Variants in ABCA13 observed in about 807,000 individuals in gnomAD.
The protein encoded by ABCA13 is ATP-binding cassette sub-family A member 13.
Under a neutral mutation model 478.7 loss-of-function variants are expected in ABCA13, and 476 were observed. That is an observed-to-expected ratio of 0.99 (90% CI 0.92 to 1.07). The LOEUF is 1.07. Ranked by LOEUF, ABCA13 falls within the 50% of genes least tolerant of loss-of-function variation. ABCA13 has a pLI of 0.00. For synonymous variants in ABCA13, 2,252 were observed against 2,158.9 expected, an observed-to-expected ratio of 1.04 and a Z score of -1.20; for missense variants, 6,060 against 5,910.6, an observed-to-expected ratio of 1.03 and a Z score of -0.83.
chr7:48,552,864 ATTAAG>A (rs1369769274), intron 55 of ABCA13, among the ~76,000 whole-genome samples: 32 of 151,650 alleles, frequency 2.1e-4, no homozygotes, highest in African/African-American at 4.8e-5. Flanking sequence ...AAAATGTATA[ATTAAG>A]TTATTATTGA....
intron 23 of ABCA13, among the ~76,000 whole-genome samples, chr7:48,305,366 T>C (rs974373973): frequency 6.6e-6 from 1 of 152,210 alleles, no homozygotes; most frequent in Non-Finnish European, 1.5e-5. Context: ...TGTACTTGCC[T>C]CTTTATCCTG....
At chr7:48,550,536 G>A (rs1294926649) in intron 55 of ABCA13, among the ~76,000 whole-genome samples, 2 of 151,766 alleles carry the variant, frequency 1.3e-5, no homozygotes, top group Non-Finnish European at 2.9e-5. Flanking sequence ...TGGGATTACA[G>A]GCGTGAGCCA....
At chr7:48,309,338 T>C (rs537309575) in intron 23 of ABCA13, among the ~76,000 whole-genome samples, 42 of 152,240 alleles carry the variant, frequency 2.8e-4, no homozygotes, top group Admixed American at 2.7e-3. Flanking sequence ...TGTCCTTAAC[T>C]GAAAAGCATA....
chr7:48,390,236 T>C (rs1400569245), intron 37 of ABCA13, among the ~76,000 whole-genome samples: 1 of 152,216 alleles, frequency 6.6e-6, no homozygotes, highest in Non-Finnish European at 1.5e-5. Flanking sequence ...TTCTAGATGA[T>C]TTAAAGTTCA....
rs1471439432 is a variant in ABCA13 at position 48,615,331 on chromosome 7, A to C, written c.14791A>C (p.Asn4931His). 2.5e-6 allele frequency: 4 copies of C among 1,582,222 alleles called. No individual in the cohort carries two copies. The Admixed American group carries it at 7.2e-5, about 28-fold the overall frequency. Reference sequence around the variant, plus strand: ...TTGCACAAGACTGGCCATAATGGTTAACGGCAGCTTCAAATGTCTTGGTTC... The same window carrying C: ...TTGCACAAGACTGGCCATAATGGTTCACGGCAGCTTCAAATGTCTTGGTTC... ...ALCTRLAIMV[N>H]GSFKCLGSPQ... The change falls in exon 59 of 62, where the codon AAC becomes CAC. Residue 4931 changes from asparagine (N) to histidine (H), a missense_variant. Physicochemically the swap from Asn to His is moderately conservative, Grantham distance 68. This residue lies in a region of ABCA13 where 1,627 missense variants were observed against 1,571.0 expected (regional missense o/e 1.04). Transcript: ENST00000435803.
chr7:48,515,746 T>C (rs778175539), intron 51 of ABCA13, among the ~76,000 whole-genome samples: 3 of 152,146 alleles, frequency 2.0e-5, no homozygotes, highest in Non-Finnish European at 4.4e-5. Context: ...CCCTGTGCAG[T>C]GGATGCTGGA....
intron 50 of ABCA13, among the ~76,000 whole-genome samples, chr7:48,509,351 C>G (rs747352714): frequency 6.6e-6 from 1 of 152,170 alleles, no homozygotes; most frequent in African/African-American, 2.4e-5. Flanking sequence ...CTACTTGTCT[C>G]TCTGCCGTCT....
chr7:48,595,897 G>A (rs1790240309), intron 58 of ABCA13, among the ~76,000 whole-genome samples: 1 of 152,132 alleles, frequency 6.6e-6, no homozygotes, highest in Non-Finnish European at 1.5e-5. Context: ...AGGGACCCAT[G>A]GAAACATGCT....
chr7:48,518,171 T>C (rs1032854195), intron 52 of ABCA13, among the ~76,000 whole-genome samples: 1 of 152,220 alleles, frequency 6.6e-6, no homozygotes, highest in Non-Finnish European at 1.5e-5. Flanking sequence ...GAACCATTGA[T>C]TGGCTTTAGC....
intron 3 of ABCA13, among the ~76,000 whole-genome samples, chr7:48,200,000 C>T (rs564630851): frequency 1.3e-5 from 2 of 152,292 alleles, no homozygotes; most frequent in African/African-American, 4.8e-5. Flanking sequence ...CAATGCATGG[C>T]ACAGAGGCAT....
intron 10 of ABCA13, among the ~76,000 whole-genome samples, chr7:48,243,771 G>A (rs1280932676): frequency 6.6e-6 from 1 of 152,200 alleles, no homozygotes; most frequent in Non-Finnish European, 1.5e-5. Flanking sequence ...AAAGCAGTGG[G>A]ATGGCTCCAG....
chr7:48,589,505 C>T (rs1271183956), intron 57 of ABCA13, among the ~76,000 whole-genome samples: 1 of 152,126 alleles, frequency 6.6e-6, no homozygotes, highest in East Asian at 1.9e-4. Context: ...GATGTGTTGA[C>T]TACAATCAAA....
intron 41 of ABCA13, among the ~76,000 whole-genome samples, chr7:48,424,452 A>G (rs1449590963): frequency 1.3e-5 from 2 of 152,212 alleles, no homozygotes; most frequent in Admixed American, 1.3e-4. Context: ...CTAAGACTTT[A>G]AGCAAAACAA....
intron 45 of ABCA13, among the ~76,000 whole-genome samples, chr7:48,477,246 G>C (rs1302759145): frequency 6.6e-6 from 1 of 152,130 alleles, no homozygotes; most frequent in Admixed American, 6.5e-5. Flanking sequence ...AACAACAGGT[G>C]CTGGAGAGGA....
At chr7:48,228,742 T>C (rs1056603729) in intron 6 of ABCA13, among the ~76,000 whole-genome samples, 1 of 152,214 alleles carries the variant, frequency 6.6e-6, no homozygotes, top group African/African-American at 2.4e-5. Flanking sequence ...AAATGGAACG[T>C]ATTTTGATAG....
chr7:48,171,593 T>G, intron 1 of ABCA13, 41 bp downstream of exon 1: 2 of 1,531,196 alleles, frequency 1.3e-6, no homozygotes, highest in South Asian at 2.4e-5. Flanking sequence ...TCCAGTGAGG[T>G]CTGGAGCAAG....
At chr7:48,551,949 G>C (rs775889663) in intron 55 of ABCA13, among the ~76,000 whole-genome samples, 2 of 151,632 alleles carry the variant, frequency 1.3e-5, no homozygotes, top group Non-Finnish European at 2.9e-5. Flanking sequence ...TTTGATTCTT[G>C]TTCAGATATT....
chr7:48,392,999 G>A (rs1261803467), intron 38 of ABCA13, among the ~76,000 whole-genome samples: 1 of 152,208 alleles, frequency 6.6e-6, no homozygotes, highest in African/African-American at 2.4e-5. Context: ...AATATGTGGG[G>A]AGAAGTGGAA....
chr7:48,356,625 C>G (rs1160627625), intron 31 of ABCA13, among the ~76,000 whole-genome samples: 1 of 151,876 alleles, frequency 6.6e-6, no homozygotes, highest in Admixed American at 6.6e-5. Context: ...ATCTCTCTCT[C>G]TCCTCCTTTT....
Sources: allele counts gnomAD v4.1 joint callset (sites outside exome capture counted in the v4.1 genomes callset), GRCh38; gene constraint gnomAD v4.1.1; regional missense constraint gnomAD v4.1.1; transcripts MANE v1.5; gene names NCBI Gene and HGNC (gene_info 2026-07-23, HGNC 2026-07-21).